Variants in GLIPR1 observed in about 807,000 individuals in gnomAD.
GLIPR1 encodes glioma pathogenesis-related protein 1.
A neutral mutation model predicts 30.3 loss-of-function variants in GLIPR1; 38 were observed. The observed-to-expected ratio is 1.26, with a 90% CI of 0.97 to 1.65. The LOEUF (loss-of-function observed/expected upper bound fraction) is 1.65, where lower values mean the gene tolerates loss of function less well. GLIPR1 is among the 40% of genes most tolerant of loss of function. The pLI is 0.00. For synonymous variants in GLIPR1, 122 were observed against 110.6 expected, an observed-to-expected ratio of 1.10 and a Z score of -0.65; for missense variants, 285 against 326.5, an observed-to-expected ratio of 0.87 and a Z score of 0.98.
chr12:75,490,491 C>T lies in GLIPR1; in HGVS notation c.506C>T (p.Ala169Val). ...GGCTTTGACGCTCTTTCCAATGGAG[C>T]ACATTTTATATGCAACTACGGACCA... The part of the protein sequence containing the change: ...VSGFDALSNG[A>V]HFICNYGPGG... The change falls in exon 3 of 6, where the codon GCA becomes GTA. Residue 169 changes from alanine (A) to valine (V), a missense_variant. Ala to Val is a moderately conservative substitution (Grantham distance 64). Transcript: ENST00000266659. The T allele has an allele frequency of 7.2e-7, 1 of 1,390,706 alleles. No individual in the cohort carries two copies. Among genetic ancestry groups the T allele is most frequent in the Non-Finnish European group, 9.6e-7 (1 of 1,044,128 alleles). The allele number at this position is 1,390,706 out of a possible 1,614,324, so 86.1% of individuals were successfully genotyped here. A position where few individuals can be genotyped will look rare whatever the true frequency, so the allele number is the denominator to read the frequency against.
At position 75,503,756 on chromosome 12, in the gene GLIPR1, A is replaced by G; in HGVS notation, c.*4778A>G. The G allele has an allele frequency of 1.5e-6, 1 of 652,762 alleles. No homozygotes were observed. Among genetic ancestry groups the G allele is most frequent in the East Asian group, 2.8e-5 (1 of 35,952 alleles). The allele number at this position is 652,762 out of a possible 1,614,324, so 40.4% of individuals were successfully genotyped here. On this transcript the variant is annotated 3_prime_UTR_variant, in exon 6 of 6. Coordinates refer to ENST00000266659, the MANE Select transcript of GLIPR1 (RefSeq NM_006851.3). Reference sequence around the variant, plus strand: ...CTCAGCTCAAAATATGCCTATTTATATTTACCCTCAGTTTCTTATAGCTCT... The same window carrying G: ...CTCAGCTCAAAATATGCCTATTTATGTTTACCCTCAGTTTCTTATAGCTCT...
chr12:75,493,334 A>T (rs1278766273), intron 3 of GLIPR1: 1 of 152,120 alleles, frequency 6.6e-6, no homozygotes, highest in Non-Finnish European at 1.5e-5. Context: ...CCTATACACA[A>T]AAAGTTGTAG....
chr12:75,499,925 C>A lies in GLIPR1; in HGVS notation c.*947C>A. ...TTCTTAACCTTTTCCTTGATGCTGG[C>A]CACATCAATTTTAGTTTCAGTAGAA... On this transcript the variant is annotated 3_prime_UTR_variant, in exon 6 of 6. Transcript: ENST00000266659. The A allele has an allele frequency of 1.2e-6, 2 of 1,604,020 alleles. No individual in the cohort carries two copies. Among genetic ancestry groups the A allele is most frequent in the Admixed American group, 1.7e-5 (1 of 58,762 alleles).
chr12:75,495,498 T>C (rs2046344744), intron 3 of GLIPR1, 79 bp from the exon 4 acceptor site: 1 of 735,082 alleles, frequency 1.4e-6, no homozygotes, highest in Non-Finnish European at 2.5e-6. Context: ...TTCTTCTGGA[T>C]TTAGTTAAGG....
chr12:75,482,360 A>G (rs369906007), intron 2 of GLIPR1, among the ~76,000 whole-genome samples: 5 of 152,342 alleles, frequency 3.3e-5, no homozygotes, highest in African/African-American at 1.2e-4. Context: ...GTGAGAAATC[A>G]AAGAACCTTA....
rs1249689445 is a variant in GLIPR1, at chr12:75,499,250, G to A, written c.*272G>A. On this transcript the variant is annotated 3_prime_UTR_variant, in exon 6 of 6. Transcript: ENST00000266659. Reference sequence around the variant, plus strand: ...GCTTCTAAATCTGCAAAATGAGCAAGGTACAGTAGCACATTTTTAGGTGAT... The same window carrying A: ...GCTTCTAAATCTGCAAAATGAGCAAAGTACAGTAGCACATTTTTAGGTGAT... 7.8e-6 allele frequency: 2 copies of A among 254,880 alleles called. No individual in the cohort carries two copies. The highest frequency in any genetic ancestry group is 1.5e-5 in the Non-Finnish European group (2 of 135,800). The allele number at this position is 254,880 out of a possible 1,614,324, so 15.8% of individuals were successfully genotyped here. A position where few individuals can be genotyped will look rare whatever the true frequency, so the allele number is the denominator to read the frequency against.
chr12:75,482,282 C>T (rs2046274909), intron 2 of GLIPR1, among the ~76,000 whole-genome samples: 1 of 151,992 alleles, frequency 6.6e-6, no homozygotes, highest in Admixed American at 6.5e-5. Context: ...TATGTGAGGC[C>T]CACCAACTTG....
chr12:75,493,388 A>G (rs1176377760), intron 3 of GLIPR1: 1 of 152,074 alleles, frequency 6.6e-6, no homozygotes, highest in East Asian at 1.9e-4. Context: ...ATCCTCCTCA[A>G]TATTTCTGAT....
rs1216613042 is a variant in GLIPR1, at chr12:75,501,748, T to C, written c.*2770T>C. ...CTTCCTTAGGTTTCACAATTGGTTT[T>C]TCCTTAGGTGGAATAAATGCTTTGT... On this transcript the variant is annotated 3_prime_UTR_variant, in exon 6 of 6. Coordinates refer to ENST00000266659, the MANE Select transcript of GLIPR1 (RefSeq NM_006851.3). The C allele has an allele frequency of 5.0e-6, 8 of 1,610,436 alleles. No homozygotes were observed. The highest frequency in any genetic ancestry group is 5.9e-6 in the Non-Finnish European group (7 of 1,177,850).
At chr12:75,497,379 G>A (rs921467757) in intron 4 of GLIPR1, 9 of 152,166 alleles carry the variant, frequency 5.9e-5, no homozygotes, top group Admixed American at 5.9e-4. Context: ...GGACTCTTGA[G>A]AAAACACATG....
At chr12:75,488,805 C>T (rs960677010) in intron 2 of GLIPR1, among the ~76,000 whole-genome samples, 1 of 152,166 alleles carries the variant, frequency 6.6e-6, no homozygotes, top group African/African-American at 2.4e-5. Flanking sequence ...CAGAGAAAGG[C>T]ACCATGCCAT....
At chr12:75,493,046 T>C (rs559400663) in intron 3 of GLIPR1, 17 of 152,288 alleles carry the variant, frequency 1.1e-4, no homozygotes, top group African/African-American at 4.1e-4. Context: ...GAAGAAAAGT[T>C]TGGCAAGTTT....
In GLIPR1 at chr12:75,495,764, C is replaced by T. The variant is rs1175375112; in HGVS notation, c.619+102C>T. On this transcript the variant is annotated intron_variant, in intron 4 of 5. Coordinates refer to ENST00000266659, the MANE Select transcript of GLIPR1 (RefSeq NM_006851.3). Reference sequence around the variant, plus strand: ...CATGTTTTATCTTAACGGCTATCTTCAAGGAAACTGGCATCAAGTAGCAAT... The same window carrying T: ...CATGTTTTATCTTAACGGCTATCTTTAAGGAAACTGGCATCAAGTAGCAAT... The T allele has an allele frequency of 4.5e-6, 3 of 671,228 alleles. No individual in the cohort carries two copies. In the African/African-American group the frequency reaches 5.4e-5, roughly 12 times the overall value. The allele number at this position is 671,228 out of a possible 1,614,324, so 41.6% of individuals were successfully genotyped here.
At chr12:75,495,769 A>C in intron 4 of GLIPR1, 107 bp downstream of exon 4, 3 of 650,334 alleles carry the variant, frequency 4.6e-6, no homozygotes, top group Middle Eastern at 5.5e-4. Context: ...ATCTTCAAGG[A>C]AACTGGCATC....
chr12:75,493,093 G>A (rs1251329033), intron 3 of GLIPR1: 1 of 152,180 alleles, frequency 6.6e-6, no homozygotes, highest in South Asian at 2.1e-4. Context: ...CTGCTAAACA[G>A]ATGAAACGGG....
chr12:75,498,612 A>G, intron 4 of GLIPR1, 82 bp from the exon 5 acceptor site: 2 of 1,134,650 alleles, frequency 1.8e-6, no homozygotes, highest in Non-Finnish European at 2.6e-6. Flanking sequence ...GGTCATAATT[A>G]TAAGACTTAG....
chr12:75,481,684 C>T (rs1167637909), intron 1 of GLIPR1, 150 bp from the exon 2 acceptor site: 5 of 696,146 alleles, frequency 7.2e-6, no homozygotes, highest in Admixed American at 7.0e-5. Context: ...ACCAGCCCTA[C>T]TCAGTGCTTG....
At chr12:75,489,387 A>T (rs2046309485) in intron 2 of GLIPR1, among the ~76,000 whole-genome samples, 1 of 152,050 alleles carries the variant, frequency 6.6e-6, no homozygotes. Context: ...TACTTGATCT[A>T]TTATATTTGC....
rs758678591 is a variant in GLIPR1 at position 75,490,484 on chromosome 12, A to C, written c.499A>C (p.Asn167His). ...AGTTTCTGGCTTTGACGCTCTTTCC[A>C]ATGGAGCACATTTTATATGCAACTA... ...PKVSGFDALS[N>H]GAHFICNYGP... Residue 167 changes from asparagine (N) to histidine (H), a missense_variant, in exon 3 of 6, where the codon AAT becomes CAT. Asn to His is a moderately conservative substitution (Grantham distance 68). Coordinates refer to ENST00000266659, the MANE Select transcript of GLIPR1 (RefSeq NM_006851.3). 1 of 1,530,672 alleles carries C rather than the reference A, an allele frequency of 6.5e-7. No individual in the cohort carries two copies. The highest frequency in any genetic ancestry group is 2.6e-5 in the East Asian group (1 of 38,338). The allele number at this position is 1,530,672 out of a possible 1,614,324, so 94.8% of individuals were successfully genotyped here.
Sources: gnomAD v4.1 joint callset for allele counts (sites outside exome capture counted in the v4.1 genomes callset) on GRCh38, gnomAD v4.1.1 for gene constraint, MANE v1.5 for transcripts, NCBI Gene and HGNC (gene_info 2026-07-23, HGNC 2026-07-21) for gene names.